Variants in LRRIQ4 observed in about 807,000 individuals in gnomAD.
LRRIQ4 encodes leucine rich repeats and IQ motif containing 4.
A neutral mutation model predicts 40.1 loss-of-function variants in LRRIQ4; 21 were observed. The observed-to-expected ratio is 0.52, with a 90% confidence interval of 0.37 to 0.75. The LOEUF is 0.75. Among genes scored for constraint, LRRIQ4 ranks in the 30% least tolerant of loss-of-function variants. The probability of loss-of-function intolerance (pLI) is 0.00; values close to 1 mark genes in which losing one functional copy is unlikely to be tolerated. For missense variants in LRRIQ4, 655 were observed against 660.0 expected (o/e 0.99, Z 0.08); for synonymous variants, 277 against 277.1 (o/e 1.00, Z 0.00).
intron 1 of LRRIQ4, among the ~76,000 whole-genome samples, chr3:169,814,019 G>C (rs890992596): frequency 6.6e-6 from 1 of 152,172 alleles, no homozygotes; most frequent in African/African-American, 2.4e-5. Context: ...TGCTCTTTCA[G>C]TTTTGCTGTG....
At chr3:169,820,269 G>GTA (rs1272549990) in intron 1 of LRRIQ4, among the ~76,000 whole-genome samples, 1 of 151,682 alleles carries the variant, frequency 6.6e-6, no homozygotes, top group Non-Finnish European at 1.5e-5. Flanking sequence ...GTGTGTGTGT[G>GTA]TGTGTGTGTG....
intron 2 of LRRIQ4, among the ~76,000 whole-genome samples, chr3:169,828,149 T>C (rs943548036): frequency 2.6e-5 from 4 of 152,218 alleles, no homozygotes; most frequent in African/African-American, 4.8e-5. Flanking sequence ...ATATTACACA[T>C]AACTTTAGTA....
chr3:169,828,942 C>T lies in LRRIQ4; in HGVS notation c.1194+10C>T, dbSNP rs149140811. The T allele has an allele frequency of 1.1e-3, 1,775 of 1,597,376 alleles. 31 individuals carry two copies. In the East Asian group the frequency reaches 0.03, roughly 27 times the overall value. On this transcript the variant is annotated intron_variant, in intron 3 of 5. Coordinates refer to ENST00000340806, the MANE Select transcript of LRRIQ4 (RefSeq NM_001080460.3). ...CATTAGGAAACTGCAGGTAAGCCTC[C>T]CCAAATGAGCAGGCTAAGAAGCACC...
intron 4 of LRRIQ4, among the ~76,000 whole-genome samples, chr3:169,831,261 CTTTTTTTT>C (rs869088396): frequency 3.0e-5 from 1 of 33,462 alleles, no homozygotes; most frequent in Non-Finnish European, 6.2e-5. Flanking sequence ...TATGGCTATT[CTTTTTTTT>C]TTTTTTTTTT....
At chr3:169,830,393 A>AAAAAAAAAAG (rs1780137962) in intron 3 of LRRIQ4, 99 bp from the exon 4 acceptor site, 1 of 442,264 alleles carries the variant, frequency 2.3e-6, no homozygotes, top group East Asian at 5.7e-5. Context: ...AAAAAAAAAA[A>AAAAAAAAAAG]AAAAAAAAAA....
intron 4 of LRRIQ4, 95 bp from the exon 5 acceptor site, chr3:169,832,892 A>G (rs2108185439): frequency 9.2e-7 from 1 of 1,088,978 alleles, no homozygotes; most frequent in Middle Eastern, 2.3e-4. Flanking sequence ...TTGCAAATGC[A>G]GAATTGGATC....
At position 169,822,251 on chromosome 3, in the gene LRRIQ4, C is replaced by G. The variant is rs770946995; in HGVS notation, c.330C>G (p.Ser110=). 1.9e-5 allele frequency: 30 copies of G among 1,609,196 alleles called. No individual in the cohort carries two copies. The highest frequency in any genetic ancestry group is 8.5e-7 in the Non-Finnish European group (1 of 1,178,058). Residue 110 remains serine, a synonymous_variant, in exon 2 of 6, where the codon TCC becomes TCG. Transcript: ENST00000340806. ...GCTACAACCCCATCTTCTCCTCCTC[C>G]CTTGTCGTTGTCAGCTTCCTCCACG... The part of the protein sequence containing the change: ...DLSYNPIFSS[S]LVVVSFLHAL...
intron 1 of LRRIQ4, among the ~76,000 whole-genome samples, chr3:169,820,108 T>C (rs540642235): frequency 6.6e-6 from 1 of 152,344 alleles, no homozygotes; most frequent in African/African-American, 2.4e-5. Flanking sequence ...ATCCCCTTCA[T>C]CTAGGCACTG....
intron 3 of LRRIQ4, among the ~76,000 whole-genome samples, 195 bp from the exon 4 acceptor site, chr3:169,830,297 A>G (rs1057172082): frequency 2.4e-4 from 36 of 149,064 alleles, no homozygotes; most frequent in African/African-American, 8.9e-4. Context: ...GATTTACTCA[A>G]AAATAATTTT....
At chr3:169,826,378 G>A (rs191155393) in intron 2 of LRRIQ4, among the ~76,000 whole-genome samples, 2 of 149,272 alleles carry the variant, frequency 1.3e-5, no homozygotes, top group African/African-American at 2.5e-5. Context: ...GGCAAGAAGA[G>A]TGAAACTCCG....
At chr3:169,820,197 G>T (rs1298822442) in intron 1 of LRRIQ4, among the ~76,000 whole-genome samples, 1 of 151,598 alleles carries the variant, frequency 6.6e-6, no homozygotes. Context: ...AGACGCTACC[G>T]CCAACCTTGC....
rs139451670 is a variant in LRRIQ4 at position 169,822,792 on chromosome 3, G to C, written c.871G>C (p.Gly291Arg). Reference protein sequence around the residue: ...SLHLLYLGNTGLHRLRGSFRC... With the variant: ...SLHLLYLGNTRLHRLRGSFRC... The stretch of plus-strand genomic sequence containing the variant: ...GCACCTGCTCTACCTGGGAAACACC[G>C]GCCTGCACAGGCTGCGGGGCTCCTT... Residue 291 changes from glycine (G) to arginine (R), a missense_variant, in exon 2 of 6, where the codon GGC becomes CGC. Gly to Arg is a moderately radical substitution (Grantham distance 125, BLOSUM62 -2). Transcript: ENST00000340806. 2.3e-4 allele frequency: 377 copies of C among 1,613,714 alleles called. 1 individual carries two copies. In the African/African-American group the frequency reaches 4.5e-3, roughly 19 times the overall value.
intron 4 of LRRIQ4, among the ~76,000 whole-genome samples, chr3:169,831,527 C>T (rs1473298508): frequency 8.1e-6 from 1 of 123,578 alleles, no homozygotes; most frequent in Non-Finnish European, 1.6e-5. Flanking sequence ...TGGTCTTGAT[C>T]TCCTGACCTC....
chr3:169,822,726 C>T lies in LRRIQ4; in HGVS notation c.805C>T (p.Leu269=). ...MTEIGLSGNR[L]EKVPRLICRW... ...GGAAATCGGGCTGAGCGGGAACCGC[C>T]TGGAGAAGGTGCCACGCCTCATTTG... The change falls in exon 2 of 6, where the codon CTG becomes TTG. Residue 269 remains leucine, a synonymous_variant. Transcript: ENST00000340806. 6.2e-7 allele frequency: 1 copy of T among 1,613,942 alleles called. No homozygotes were observed. The highest frequency in any genetic ancestry group is 8.5e-7 in the Non-Finnish European group (1 of 1,179,864).
chr3:169,817,024 A>C (rs1229032861), intron 1 of LRRIQ4, among the ~76,000 whole-genome samples: 2 of 151,934 alleles, frequency 1.3e-5, no homozygotes, highest in African/African-American at 2.4e-5. Flanking sequence ...AAGATGCATC[A>C]TTACATTGTT....
chr3:169,823,087 T>C (rs1439909755), intron 2 of LRRIQ4, 146 bp downstream of exon 2: 3 of 661,794 alleles, frequency 4.5e-6, no homozygotes, highest in African/African-American at 3.6e-5. Context: ...TGATACTTTG[T>C]ATTACTCTCT....
At chr3:169,831,725 T>C (rs1027355738) in intron 4 of LRRIQ4, among the ~76,000 whole-genome samples, 1 of 151,280 alleles carries the variant, frequency 6.6e-6, no homozygotes, top group Non-Finnish European at 1.5e-5. Flanking sequence ...TCTCATCACT[T>C]TGGGACGCCG....
Position 169,821,636 on chromosome 3 carries a change from G to A in LRRIQ4, c.-31-255G>A, listed in dbSNP as rs530976518. Among the ~76,000 whole-genome samples, 15 of 151,654 alleles carry A rather than the reference G, an allele frequency of 9.9e-5. No homozygotes were observed. In the East Asian group the frequency reaches 1.9e-3, roughly 20 times the overall value. On this transcript the variant is annotated intron_variant, in intron 1 of 5. Transcript: ENST00000340806. ...GCCTGGGCAACAAAAGCGAAACTCC[G>A]TCTCAAAAATAAATAAATAAATAAA...
At chr3:169,825,555 C>T (rs1338766164) in intron 2 of LRRIQ4, among the ~76,000 whole-genome samples, 2 of 152,148 alleles carry the variant, frequency 1.3e-5, no homozygotes, top group African/African-American at 4.8e-5. Context: ...CTAAGTCAGT[C>T]ATTCTGCAGT....
Sources: allele counts gnomAD v4.1 joint callset (sites outside exome capture counted in the v4.1 genomes callset), GRCh38; gene constraint gnomAD v4.1.1; transcripts MANE v1.5; gene names NCBI Gene and HGNC (gene_info 2026-07-23, HGNC 2026-07-21).